The following ATP2B1 variants were observed in gnomAD, a reference collection of about 807,000 sequenced individuals.
The protein encoded by ATP2B1 is ATPase plasma membrane Ca2+ transporting 1.
In ATP2B1, 14 loss-of-function variants were observed where a neutral mutation model predicts 124.2. The observed-to-expected ratio is 0.11, with a 90% CI of 0.07 to 0.18. The LOEUF (loss-of-function observed/expected upper bound fraction) is 0.18, where lower values mean the gene tolerates loss of function less well. Ranked by LOEUF, ATP2B1 falls within the 10% of genes least tolerant of loss-of-function variation. ATP2B1 has a pLI of 1.00. For missense variants in ATP2B1, 763 were observed against 1,466.1 expected (o/e 0.52, Z 7.83); for synonymous variants, 449 against 492.4 (o/e 0.91, Z 1.17).
intron 1 of ATP2B1, among the ~76,000 whole-genome samples, chr12:89,683,642 A>C (rs1026704121): frequency 6.6e-6 from 1 of 152,180 alleles, no homozygotes; most frequent in Non-Finnish European, 1.5e-5. Flanking sequence ...AGTTCCAGAC[A>C]GTGTAGAGGA....
At chr12:89,616,086 A>G (rs1342077960) in intron 12 of ATP2B1, among the ~76,000 whole-genome samples, 2 of 152,128 alleles carry the variant, frequency 1.3e-5, no homozygotes, top group Non-Finnish European at 2.9e-5. Context: ...CAAGGTAGTA[A>G]TATCTTGGGT....
chr12:89,670,790 G>A (rs1280238004), intron 1 of ATP2B1, among the ~76,000 whole-genome samples: 1 of 152,082 alleles, frequency 6.6e-6, no homozygotes, highest in African/African-American at 2.4e-5. Context: ...AGTTAAGGAA[G>A]TACAAGTAAT....
intron 11 of ATP2B1, among the ~76,000 whole-genome samples, chr12:89,617,446 T>C (rs965919222): frequency 1.3e-5 from 2 of 152,206 alleles, no homozygotes; most frequent in Non-Finnish European, 2.9e-5. Context: ...AAGCCAAGCG[T>C]AGTCAACCCC....
intron 20 of ATP2B1, chr12:89,598,534 G>A (rs942645517): frequency 4.6e-6 from 7 of 1,523,820 alleles, no homozygotes; most frequent in African/African-American, 4.2e-5. Flanking sequence ...AATGAGAAAC[G>A]TTAGGTGTGT....
In ATP2B1 at chr12:89,677,967, TATATACACACACACACACACAC is replaced by T. The variant is rs1888853522; in HGVS notation, c.-221-21882_-221-21861del. On this transcript the variant is annotated intron_variant, in intron 1 of 20. Coordinates refer to ENST00000428670, the MANE Select transcript of ATP2B1 (RefSeq NM_001366521.1). ...GGCATGCAGGAATTATATATATATA[TATATACACACACACACACACAC>T]ACACACACACACACACACACACACA... Among the ~76,000 whole-genome samples, 3 of 54,538 alleles carry T rather than the reference TATATACACACACACACACACAC, an allele frequency of 5.5e-5. 1 individual carries two copies. Among genetic ancestry groups the T allele is most frequent in the South Asian group, 5.7e-4 (1 of 1,754 alleles). 35.8% of individuals were successfully genotyped at this position (54,538 alleles called of 152,430 possible).
At chr12:89,624,132 C>A (rs1470046061) in intron 9 of ATP2B1, 51 bp downstream of exon 9, 1 of 1,520,862 alleles carries the variant, frequency 6.6e-7, no homozygotes, top group Non-Finnish European at 9.0e-7. Context: ...ATTTTCTATA[C>A]CAGCTAAGGC....
At position 89,626,624 on chromosome 12, in the gene ATP2B1, A is replaced by T. The variant is rs1592780707; in HGVS notation, c.968-9T>A. On this transcript the variant is annotated splice_polypyrimidine_tract_variant and intron_variant, in intron 7 of 20. Coordinates refer to ENST00000428670, the MANE Select transcript of ATP2B1 (RefSeq NM_001366521.1). Reference sequence around the variant, plus strand: ...ACCATCCTGGGCTTTTGCTACATTTAAGAGCAAATAGAACTTCACTATACT... The same window carrying T: ...ACCATCCTGGGCTTTTGCTACATTTTAGAGCAAATAGAACTTCACTATACT... 1.3e-6 allele frequency: 2 copies of T among 1,583,182 alleles called. No individual in the cohort carries two copies. The highest frequency in any genetic ancestry group is 1.7e-6 in the Non-Finnish European group (2 of 1,170,958).
intron 19 of ATP2B1, 90 bp from the exon 20 acceptor site, chr12:89,599,389 A>G: frequency 3.6e-6 from 5 of 1,374,464 alleles, no homozygotes; most frequent in Non-Finnish European, 5.0e-6. Flanking sequence ...AAAAGTGGTG[A>G]GAGTATCCGA....
At chr12:89,643,576 T>C (rs1565862695) in intron 2 of ATP2B1, among the ~76,000 whole-genome samples, 1 of 152,190 alleles carries the variant, frequency 6.6e-6, no homozygotes, top group Non-Finnish European at 1.5e-5. Context: ...GTCTGGAGTA[T>C]GGAATTAGAA....
chr12:89,691,625 C>A (rs1890565925), intron 1 of ATP2B1, among the ~76,000 whole-genome samples: 2 of 152,080 alleles, frequency 1.3e-5, no homozygotes, highest in South Asian at 4.1e-4. Flanking sequence ...TTTGTTAAGA[C>A]TTATAATACA....
At chr12:89,646,269 T>C (rs1884444470) in intron 2 of ATP2B1, among the ~76,000 whole-genome samples, 2 of 152,094 alleles carry the variant, frequency 1.3e-5, no homozygotes, top group Admixed American at 6.6e-5. Context: ...CAGCTGGCTA[T>C]CCATATTGAG....
rs772398709 is a variant in ATP2B1, at chr12:89,599,171, C to T, written c.3297G>A (p.Glu1099=). 6.2e-7 allele frequency: 1 copy of T among 1,614,184 alleles called. No individual in the cohort carries two copies. The highest frequency in any genetic ancestry group is 2.2e-5 in the East Asian group (1 of 44,864). ...ACCACAAGATTTGGCCACGCCGCAA[C>T]TCCCTTTCAGCGTGATCAATCTCTT... is the stretch of plus-strand genomic sequence containing the variant. The part of the protein sequence containing the change: ...DVEEIDHAER[E]LRRGQILWFR... The change falls in exon 20 of 21, where the codon GAG becomes GAA. Residue 1099 remains glutamate, a synonymous_variant. Transcript: ENST00000428670.
chr12:89,709,002 C>T (rs1449928573), upstream of ATP2B1: 1 of 151,212 alleles, frequency 6.6e-6, no homozygotes, highest in Non-Finnish European at 1.5e-5. Context: ...ACGGGCAGCT[C>T]AGCCGGCCTC....
At chr12:89,631,414 C>T (rs1165323695) in intron 5 of ATP2B1, among the ~76,000 whole-genome samples, 1 of 152,158 alleles carries the variant, frequency 6.6e-6, no homozygotes, top group Non-Finnish European at 1.5e-5. Flanking sequence ...CAACCAATGT[C>T]ACATTTCCCA....
chr12:89,692,890 C>A (rs908252183), intron 1 of ATP2B1, among the ~76,000 whole-genome samples: 1 of 152,094 alleles, frequency 6.6e-6, no homozygotes, highest in African/African-American at 2.4e-5. Flanking sequence ...GAACTTAACT[C>A]TTGTTTATAT....
At chr12:89,705,791 C>T (rs1892380008) in intron 1 of ATP2B1, among the ~76,000 whole-genome samples, 1 of 152,114 alleles carries the variant, frequency 6.6e-6, no homozygotes, top group African/African-American at 2.4e-5. Flanking sequence ...GATAAAACAC[C>T]TTTCATCTCA....
In ATP2B1 at chr12:89,590,297, G is replaced by A. The variant is rs893404466; in HGVS notation, c.*687C>T. The A allele has an allele frequency of 6.6e-5, 10 of 151,140 alleles. No homozygotes were observed. The highest frequency in any genetic ancestry group is 1.9e-4 in the East Asian group (1 of 5,164). The allele number at this position is 151,140 out of a possible 1,614,324, so 9.4% of individuals were successfully genotyped here. A position where few individuals can be genotyped will look rare whatever the true frequency, so the allele number is the denominator to read the frequency against. ...TTTTTTGTTTTGTTTTGTTTTTTTC[G>A]TTTTTTTAAACAAAGCATTAGTGTT... is the stretch of plus-strand genomic sequence containing the variant. On this transcript the variant is annotated 3_prime_UTR_variant, in exon 21 of 21. Coordinates refer to ENST00000428670, the MANE Select transcript of ATP2B1 (RefSeq NM_001366521.1).
chr12:89,673,284 G>GT (rs1436579817), intron 1 of ATP2B1, among the ~76,000 whole-genome samples: 4 of 152,228 alleles, frequency 2.6e-5, no homozygotes, highest in Admixed American at 1.3e-4. Flanking sequence ...TCCTGAACTT[G>GT]TTTTTACCTA....
intron 12 of ATP2B1, among the ~76,000 whole-genome samples, chr12:89,613,488 T>G (rs1377792367): frequency 6.6e-6 from 1 of 152,172 alleles, no homozygotes; most frequent in Non-Finnish European, 1.5e-5. Context: ...TAGGTCCTAG[T>G]GCCAGAGTGA....
Sources: gnomAD v4.1 joint callset for allele counts (sites outside exome capture counted in the v4.1 genomes callset) on GRCh38, gnomAD v4.1.1 for gene constraint, MANE v1.5 for transcripts, NCBI Gene and HGNC (gene_info 2026-07-23, HGNC 2026-07-21) for gene names.